The following ALK variants were observed in gnomAD, a reference collection of about 807,000 sequenced individuals.
The protein encoded by ALK is ALK tyrosine kinase receptor.
Under a neutral mutation model 163.1 loss-of-function variants are expected in ALK, and 74 were observed. That is an observed-to-expected ratio of 0.45 (90% CI 0.38 to 0.55). The LOEUF (loss-of-function observed/expected upper bound fraction) is 0.55. Ranked by LOEUF, ALK falls within the 20% of genes least tolerant of loss-of-function variation. The pLI is 0.00. For missense variants in ALK, 2,063 were observed against 2,105.3 expected (o/e 0.98, Z 0.39); for synonymous variants, 960 against 843.2 (o/e 1.14, Z -2.40).
chr2:29,582,545 G>A (rs376075623), intron 3 of ALK, among the ~76,000 whole-genome samples: 19 of 152,232 alleles, frequency 1.2e-4, no homozygotes, highest in South Asian at 4.2e-4. Context: ...AGGCTTCTGC[G>A]GGGCATTTGC....
chr2:29,878,967 T>C (rs774806651), intron 1 of ALK, among the ~76,000 whole-genome samples: 22 of 152,000 alleles, frequency 1.4e-4, no homozygotes, highest in Non-Finnish European at 2.5e-4. Context: ...TTGGCTAAAG[T>C]CGAAGCAGAA....
chr2:29,689,046 C>A (rs759554198), intron 3 of ALK, among the ~76,000 whole-genome samples: 3 of 152,170 alleles, frequency 2.0e-5, no homozygotes, highest in Non-Finnish European at 2.9e-5. Context: ...TTACTGACAG[C>A]CTGTCCTCAT....
chr2:29,642,081 G>C (rs4619560), intron 3 of ALK, among the ~76,000 whole-genome samples: 2 of 152,234 alleles, frequency 1.3e-5, no homozygotes, highest in Admixed American at 1.3e-4. Context: ...CAAAAGTCTA[G>C]GACACTGCTT....
intron 3 of ALK, among the ~76,000 whole-genome samples, chr2:29,588,203 T>C (rs1464227257): frequency 6.6e-6 from 1 of 152,142 alleles, no homozygotes; most frequent in Non-Finnish European, 1.5e-5. Context: ...TAGCTATTCA[T>C]GGAAAAAGAG....
chr2:29,415,628 T>C (rs556804574), intron 4 of ALK, among the ~76,000 whole-genome samples: 14 of 152,328 alleles, frequency 9.2e-5, no homozygotes, highest in African/African-American at 2.9e-4. Flanking sequence ...TGCACCAGCA[T>C]GACTGGGCTA....
intron 1 of ALK, among the ~76,000 whole-genome samples, chr2:29,774,284 A>G (rs1439430098): frequency 6.6e-6 from 1 of 152,060 alleles, no homozygotes; most frequent in Non-Finnish European, 1.5e-5. Flanking sequence ...CTTAATTCCA[A>G]CCACCCTCCC....
At chr2:29,613,353 G>C (rs990271790) in intron 3 of ALK, among the ~76,000 whole-genome samples, 19 of 152,016 alleles carry the variant, frequency 1.2e-4, no homozygotes, top group Non-Finnish European at 1.5e-5. Context: ...AATTGTCCAG[G>C]TTTATTTGAG....
intron 5 of ALK, among the ~76,000 whole-genome samples, chr2:29,336,036 C>G (rs977708424): frequency 1.3e-5 from 2 of 152,036 alleles, no homozygotes; most frequent in Non-Finnish European, 2.9e-5. Context: ...GAGACTGTCT[C>G]AAAAAACAAA....
intron 3 of ALK, among the ~76,000 whole-genome samples, chr2:29,601,447 C>CTGTG (rs1233479605): frequency 6.6e-6 from 1 of 151,972 alleles, no homozygotes; most frequent in Non-Finnish European, 1.5e-5. Context: ...ACTTTGTGAG[C>CTGTG]TGTGGCATGA....
intron 4 of ALK, among the ~76,000 whole-genome samples, chr2:29,504,156 G>C (rs1025898560): frequency 6.6e-6 from 1 of 152,064 alleles, no homozygotes; most frequent in African/African-American, 2.4e-5. Context: ...AAGGATGAGT[G>C]GGAGGTGACA....
At chr2:29,666,272 A>G (rs568901628) in intron 3 of ALK, among the ~76,000 whole-genome samples, 11 of 152,200 alleles carry the variant, frequency 7.2e-5, no homozygotes, top group African/African-American at 2.4e-4. Flanking sequence ...TTGTTCCACT[A>G]TATTAACAGG....
chr2:29,477,348 C>A (rs1039416553), intron 4 of ALK, among the ~76,000 whole-genome samples: 1 of 152,138 alleles, frequency 6.6e-6, no homozygotes. Context: ...TTCTGAGATT[C>A]CACATTACAA....
chr2:29,488,671 A>T (rs1363137045), intron 4 of ALK, among the ~76,000 whole-genome samples: 3 of 152,162 alleles, frequency 2.0e-5, no homozygotes, highest in African/African-American at 7.2e-5. Flanking sequence ...CTTATTTAGT[A>T]TGGGGAGAAC....
intron 1 of ALK, among the ~76,000 whole-genome samples, chr2:29,902,424 G>C (rs990687498): frequency 1.3e-5 from 2 of 152,048 alleles, no homozygotes; most frequent in African/African-American, 4.8e-5. Flanking sequence ...CTCCACCCCA[G>C]ATTCCTGACC....
chr2:29,711,974 T>C (rs935983462), intron 2 of ALK, among the ~76,000 whole-genome samples: 1 of 152,230 alleles, frequency 6.6e-6, no homozygotes, highest in Non-Finnish European at 1.5e-5. Flanking sequence ...TTTTTCTTTC[T>C]GCATTTCCTT....
chr2:29,757,335 C>T (rs946305338), intron 1 of ALK, among the ~76,000 whole-genome samples: 5 of 152,256 alleles, frequency 3.3e-5, no homozygotes, highest in African/African-American at 1.2e-4. Flanking sequence ...CCATCACCCC[C>T]ATTTTGCAGT....
rs863225285 is a variant in ALK, at chr2:29,209,789, T to C, written c.3833A>G (p.Tyr1278Cys). Residue 1278 changes from tyrosine (Y) to cysteine (C), a missense_variant, in exon 25 of 29, where the codon TAC becomes TGC. Coordinates refer to ENST00000389048, the MANE Select transcript of ALK (RefSeq NM_004304.5). ...GGGTGAGGCAGTCTTTACTCACCTG[T>C]AGATGTCTCGGGCCATCCCGAAGTC... is the stretch of plus-strand genomic sequence containing the variant. ...IGDFGMARDIYRASYYRKGGC... is the reference protein window; with the variant it reads ...IGDFGMARDICRASYYRKGGC... 2 of 1,613,840 alleles carry C rather than the reference T, an allele frequency of 1.2e-6. No individual in the cohort carries two copies. Among genetic ancestry groups the C allele is most frequent in the Non-Finnish European group, 1.7e-6 (2 of 1,179,752 alleles).
intron 1 of ALK, among the ~76,000 whole-genome samples, chr2:29,830,857 T>C (rs936597103): frequency 1.4e-5 from 2 of 146,280 alleles, no homozygotes; most frequent in South Asian, 2.2e-4. Context: ...TGAGCCATGA[T>C]TGTGCCACTG....
intron 3 of ALK, among the ~76,000 whole-genome samples, chr2:29,689,467 G>A (rs1678332808): frequency 6.6e-6 from 1 of 152,174 alleles, no homozygotes; most frequent in Non-Finnish European, 1.5e-5. Flanking sequence ...TAAGAACATG[G>A]CAAACTTTTG....
Sources: gnomAD v4.1 joint callset for allele counts (sites outside exome capture counted in the v4.1 genomes callset) on GRCh38, gnomAD v4.1.1 for gene constraint, MANE v1.5 for transcripts, NCBI Gene and HGNC (gene_info 2026-07-23, HGNC 2026-07-21) for gene names.